CCDC88A: variants seen among roughly 807,000 people sequenced by gnomAD.
The protein encoded by CCDC88A is girdin.
Under a neutral mutation model 234.3 loss-of-function variants are expected in CCDC88A, and 54 were observed. The ratio of observed to expected loss-of-function variants is 0.23; its 90% CI spans 0.19 to 0.29. The LOEUF is 0.29. CCDC88A is among the 10% of genes least tolerant of loss of function. The pLI, the probability that CCDC88A is intolerant of heterozygous loss-of-function variation, is 1.00. For synonymous variants in CCDC88A, 753 were observed against 737.8 expected, an observed-to-expected ratio of 1.02 and a Z score of -0.33; for missense variants, 1,832 against 2,123.4, an observed-to-expected ratio of 0.86 and a Z score of 2.70.
chr2:55,389,198 T>C (rs1676188305), intron 2 of CCDC88A, among the ~76,000 whole-genome samples: 1 of 152,222 alleles, frequency 6.6e-6, no homozygotes, highest in South Asian at 2.1e-4. Context: ...GAATATATAG[T>C]TCTATCACAC....
chr2:55,308,123 CG>C (rs1410847843), intron 25 of CCDC88A: 4 of 152,062 alleles, frequency 2.6e-5, no homozygotes, highest in African/African-American at 9.7e-5. Flanking sequence ...TTAGTAGAGA[CG>C]GGGTTTCTCC....
chr2:55,307,633 C>A (rs534917019), intron 25 of CCDC88A, among the ~76,000 whole-genome samples: 33 of 152,040 alleles, frequency 2.2e-4, no homozygotes, highest in African/African-American at 7.2e-4. Flanking sequence ...GGATTACAGG[C>A]GTGAGCCACC....
chr2:55,344,041 A>G (rs919238765), intron 11 of CCDC88A: 3 of 387,132 alleles, frequency 7.7e-6, no homozygotes, highest in African/African-American at 4.1e-5. Flanking sequence ...ATACTGTTTT[A>G]GTGATACAAC....
At chr2:55,414,503 G>GT (rs1403299781) in intron 2 of CCDC88A, among the ~76,000 whole-genome samples, 1 of 152,146 alleles carries the variant, frequency 6.6e-6, no homozygotes, top group African/African-American at 2.4e-5. Flanking sequence ...CTTCCCATTA[G>GT]TTTAAGACGA....
chr2:55,336,860 G>C, intron 13 of CCDC88A, 42 bp from the exon 14 acceptor site: 1 of 1,290,932 alleles, frequency 7.7e-7, no homozygotes, highest in Non-Finnish European at 1.1e-6. Context: ...TAAATATTCT[G>C]TAACAGTGAA....
rs77578401 is a variant in CCDC88A at position 55,368,772 on chromosome 2, T to G, written c.402+3680A>C. Among the ~76,000 whole-genome samples the G allele has an allele frequency of 2.2e-3, 332 of 152,314 alleles. 3 individuals are homozygous for G. Among genetic ancestry groups the G allele is most frequent in the Non-Finnish European group, 3.5e-3 (239 of 68,030 alleles). ...TGATTGACCTAGATGTGGGAAAACA[T>G]GCTATTTACATATTAGAATTTTAAT... On this transcript the variant is annotated intron_variant, in intron 5 of 32. Coordinates refer to ENST00000436346, the MANE Select transcript of CCDC88A (RefSeq NM_001365480.1).
At chr2:55,294,794 A>G (rs1231801165) in intron 31 of CCDC88A, 1 of 1,007,752 alleles carries the variant, frequency 9.9e-7, no homozygotes. Flanking sequence ...ATCAGGCAAC[A>G]AAAAATGTGA....
intron 28 of CCDC88A, 50 bp from the exon 29 acceptor site, chr2:55,299,969 G>T: frequency 1.6e-6 from 2 of 1,273,098 alleles, no homozygotes; most frequent in Non-Finnish European, 2.3e-6. Flanking sequence ...AGCTGATGAT[G>T]CTGATGAGCT....
At chr2:55,341,238 C>A (rs570646497) in intron 12 of CCDC88A, among the ~76,000 whole-genome samples, 1 of 146,716 alleles carries the variant, frequency 6.8e-6, no homozygotes, top group South Asian at 2.1e-4. Flanking sequence ...CTCTGCCTCT[C>A]GGGTTCAAGC....
intron 12 of CCDC88A, among the ~76,000 whole-genome samples, chr2:55,341,679 G>T (rs534173629): frequency 6.6e-6 from 1 of 151,846 alleles, no homozygotes; most frequent in African/African-American, 2.4e-5. Flanking sequence ...TCTTGACCTC[G>T]TGATCCACCC....
At chr2:55,411,929 C>A (rs941857469) in intron 2 of CCDC88A, among the ~76,000 whole-genome samples, 1 of 151,722 alleles carries the variant, frequency 6.6e-6, no homozygotes, top group Admixed American at 6.6e-5. Context: ...GATATAACAT[C>A]GGTGGGAAAA....
chr2:55,326,732 G>A (rs571920707), intron 17 of CCDC88A, among the ~76,000 whole-genome samples: 27 of 152,180 alleles, frequency 1.8e-4, no homozygotes, highest in African/African-American at 6.3e-4. Context: ...ACGCCTGGCT[G>A]GCTAATTTTT....
intron 2 of CCDC88A, among the ~76,000 whole-genome samples, chr2:55,395,453 A>G (rs775021607): frequency 1.9e-4 from 29 of 152,222 alleles, no homozygotes; most frequent in Non-Finnish European, 1.5e-5. Flanking sequence ...AGGTCTTCCA[A>G]TACTTGGTCT....
intron 5 of CCDC88A, among the ~76,000 whole-genome samples, chr2:55,367,452 CCT>C (rs754032874): frequency 2.0e-5 from 3 of 150,464 alleles, no homozygotes; most frequent in African/African-American, 4.9e-5. Flanking sequence ...CAAAAGTCTC[CCT>C]CTTTGAGCTA....
intron 12 of CCDC88A, 190 bp from the exon 13 acceptor site, chr2:55,339,838 C>CT (rs1252966103): frequency 1.4e-4 from 69 of 489,128 alleles, no homozygotes; most frequent in Non-Finnish European, 1.7e-4. Context: ...TTCTTTTTTT[C>CT]TTTTTTTTAA....
intron 2 of CCDC88A, among the ~76,000 whole-genome samples, chr2:55,406,718 C>A (rs113520781): frequency 2.0e-5 from 3 of 151,842 alleles, no homozygotes; most frequent in Non-Finnish European, 2.9e-5. Context: ...GTGACCAGAC[C>A]ACTGCACTCC....
intron 32 of CCDC88A, chr2:55,291,379 T>C (rs1679433963): frequency 5.5e-6 from 1 of 182,596 alleles, no homozygotes. Context: ...GGGGAAGTTG[T>C]ATTCCTACCA....
rs554744151 is a variant in CCDC88A at position 55,309,900 on chromosome 2, TTG to T, written c.4080-648_4080-647del. ...TAAATTAATATAATAACATATAATA[TTG>T]TGTGTGTGTATATATATAAAATGAC... On this transcript the variant is annotated intron_variant, in intron 23 of 32. Coordinates refer to ENST00000436346, the MANE Select transcript of CCDC88A (RefSeq NM_001365480.1). The surrounding 1 kb of genome is among the most constrained non-coding windows in gnomAD (Gnocchi z 5.1). Among the ~76,000 whole-genome samples the T allele has an allele frequency of 6.6e-6, 1 of 151,978 alleles. No homozygotes were observed. Among genetic ancestry groups the T allele is most frequent in the African/African-American group, 2.4e-5 (1 of 41,366 alleles).
At chr2:55,347,666 C>G (rs1017423306) in intron 9 of CCDC88A, among the ~76,000 whole-genome samples, 1 of 133,768 alleles carries the variant, frequency 7.5e-6, no homozygotes, top group African/African-American at 2.8e-5. Context: ...TGGAGTGCAG[C>G]AGTGGCACAA....
Sources: gnomAD v4.1 joint callset for allele counts (sites outside exome capture counted in the v4.1 genomes callset) on GRCh38, gnomAD v4.1.1 for gene constraint, Gnocchi (gnomAD v3.1) non-coding constraint, MANE v1.5 for transcripts, NCBI Gene and HGNC (gene_info 2026-07-23, HGNC 2026-07-21) for gene names.